TTC7A: variants seen among roughly 807,000 people sequenced by gnomAD.
TTC7A encodes tetratricopeptide repeat protein 7A.
TTC7A carries 110 observed loss-of-function variants against 103.7 expected under a neutral mutation model. That is an observed-to-expected ratio of 1.06 (90% CI 0.91 to 1.24). The LOEUF (loss-of-function observed/expected upper bound fraction) is 1.24, where lower values mean the gene tolerates loss of function less well. Ranked by LOEUF, TTC7A falls within the 50% of genes most tolerant of loss-of-function variation. The pLI, the probability that TTC7A is intolerant of heterozygous loss-of-function variation, is 0.00. For synonymous variants in TTC7A, 521 were observed against 467.9 expected, an observed-to-expected ratio of 1.11 and a Z score of -1.47; for missense variants, 1,340 against 1,116.3, an observed-to-expected ratio of 1.20 and a Z score of -2.86.
At chr2:46,942,539 G>C (rs1383973134) in intron 1 of TTC7A, among the ~76,000 whole-genome samples, 3 of 152,326 alleles carry the variant, frequency 2.0e-5, no homozygotes, top group Admixed American at 2.0e-4. Context: ...GGGACAGATC[G>C]TGATAGTAAT....
chr2:46,966,709 C>T (rs1184973328), intron 3 of TTC7A, among the ~76,000 whole-genome samples: 6 of 146,758 alleles, frequency 4.1e-5, no homozygotes, highest in Non-Finnish European at 7.4e-5. Flanking sequence ...AAGGGCTGGT[C>T]CTGAACTCCT....
chr2:46,944,374 GTTTTTT>G (rs34191565), intron 1 of TTC7A, among the ~76,000 whole-genome samples: 1 of 88,962 alleles, frequency 1.1e-5, no homozygotes, highest in Admixed American at 1.6e-4. Flanking sequence ...GGTATTTTGG[GTTTTTT>G]TTTTTTTTTT....
chr2:47,024,176 C>G (rs940291193), intron 13 of TTC7A, 111 bp from the exon 14 acceptor site: 15 of 929,812 alleles, frequency 1.6e-5, no homozygotes, highest in Non-Finnish European at 2.0e-5. Flanking sequence ...CAGAATCCCC[C>G]AGGGTATTGC....
intron 10 of TTC7A, among the ~76,000 whole-genome samples, chr2:47,010,848 C>A (rs1041911532): frequency 6.6e-6 from 1 of 152,130 alleles, no homozygotes; most frequent in Admixed American, 6.5e-5. Flanking sequence ...TATGGACACA[C>A]GCCTCCACAC....
rs770440060 is a variant in TTC7A at position 46,941,559 on chromosome 2, G to T, written c.18G>T (p.Ala6=). ...GCGAGAAGATGGCTGCGAAGGGCGC[G>T]CACGGCTCCTACCTGAAGGTGGAGA... MAAKG[A]HGSYLKVESE... Residue 6 remains alanine, a synonymous_variant, in exon 1 of 20, where the codon GCG becomes GCT. Transcript: ENST00000319190. The surrounding 1 kb of genome is among the most constrained non-coding windows in gnomAD (Gnocchi z 4.2). The T allele has an allele frequency of 2.8e-5, 43 of 1,555,546 alleles. No homozygotes were observed. Among genetic ancestry groups the T allele is most frequent in the Non-Finnish European group, 3.7e-5 (42 of 1,150,172 alleles).
At chr2:46,974,664 C>A (rs1207725171) in intron 3 of TTC7A, 3 of 489,494 alleles carry the variant, frequency 6.1e-6, no homozygotes, top group Admixed American at 2.3e-5. Context: ...TTTTAAAAAA[C>A]CTCATTCTCT....
At chr2:46,944,475 G>A (rs903852700) in intron 1 of TTC7A, among the ~76,000 whole-genome samples, 1 of 150,230 alleles carries the variant, frequency 6.7e-6, no homozygotes, top group Non-Finnish European at 1.5e-5. Context: ...AAACTCGTGG[G>A]CTCAAGGGAA....
Position 47,012,354 on chromosome 2 carries a change from T to C in TTC7A, c.1392+919T>C, listed in dbSNP as rs117402714. ...CGCATTCTCCCTCCCACATGATGGA[T>C]ATCAGGCCCTTCTCCACCCACATCT... On this transcript the variant is annotated intron_variant, in intron 11 of 19. Transcript: ENST00000319190. Among the ~76,000 whole-genome samples, 15 of 152,342 alleles carry C rather than the reference T, an allele frequency of 9.8e-5. No individual in the cohort carries two copies. The East Asian group carries it at 2.9e-3, about 29-fold the overall frequency.
chr2:46,953,527 T>C (rs1671585825), intron 2 of TTC7A, among the ~76,000 whole-genome samples: 1 of 152,178 alleles, frequency 6.6e-6, no homozygotes, highest in Non-Finnish European at 1.5e-5. Flanking sequence ...TGGCAGCTGA[T>C]GCAGTCTCAG....
intron 15 of TTC7A, among the ~76,000 whole-genome samples, chr2:47,038,838 C>G (rs1025664601): frequency 2.0e-5 from 3 of 151,908 alleles, no homozygotes; most frequent in Non-Finnish European, 4.4e-5. Flanking sequence ...GTGTTCCAGG[C>G]CTTGGTGAGC....
chr2:46,959,277 C>T (rs879844254), intron 3 of TTC7A, among the ~76,000 whole-genome samples: 13 of 152,232 alleles, frequency 8.5e-5, no homozygotes, highest in Non-Finnish European at 1.2e-4. Context: ...GGCAGCCCCT[C>T]GGTCTTGGGC....
intron 2 of TTC7A, among the ~76,000 whole-genome samples, chr2:46,955,323 T>G (rs1243062216): frequency 6.6e-6 from 1 of 152,192 alleles, no homozygotes; most frequent in Non-Finnish European, 1.5e-5. Flanking sequence ...CTGGGATGTG[T>G]CATCTGTGGC....
At chr2:46,928,657 C>G (rs1437277722) in intron 2 of TTC7A, among the ~76,000 whole-genome samples, 1 of 151,820 alleles carries the variant, frequency 6.6e-6, no homozygotes, top group Non-Finnish European at 1.5e-5. Flanking sequence ...GTGGTCCCAG[C>G]TGTTTGGGAG....
chr2:47,066,719 A>G (rs1002434023), intron 19 of TTC7A, among the ~76,000 whole-genome samples: 9 of 151,992 alleles, frequency 5.9e-5, no homozygotes, highest in African/African-American at 2.2e-4. Context: ...TTATTATTAT[A>G]TTTTGTTTTT....
chr2:46,924,703 T>C (rs1669293539), intron 2 of TTC7A, among the ~76,000 whole-genome samples: 2 of 152,192 alleles, frequency 1.3e-5, no homozygotes, highest in African/African-American at 4.8e-5. Context: ...CTCAGCACAC[T>C]GCAGCCTCAA....
chr2:46,936,575 T>A (rs1038079342), upstream of TTC7A, among the ~76,000 whole-genome samples: 2 of 152,164 alleles, frequency 1.3e-5, no homozygotes, highest in South Asian at 2.1e-4. Flanking sequence ...ATTCGCAGAC[T>A]CTCATGGTTC....
chr2:47,002,164 C>T (rs867763644), intron 8 of TTC7A, among the ~76,000 whole-genome samples: 1 of 152,242 alleles, frequency 6.6e-6, no homozygotes, highest in Non-Finnish European at 1.5e-5. Flanking sequence ...GGAGAACAGC[C>T]GGAAGGACAA....
At chr2:47,045,539 G>C (rs936621334) in intron 15 of TTC7A, 1 of 152,256 alleles carries the variant, frequency 6.6e-6, no homozygotes, top group African/African-American at 2.4e-5. Flanking sequence ...TTTTCAGGTC[G>C]AAAGAAATTC....
At chr2:46,966,900 GT>G (rs70940650) in intron 3 of TTC7A, among the ~76,000 whole-genome samples, 7 of 143,868 alleles carry the variant, frequency 4.9e-5, no homozygotes, top group African/African-American at 1.3e-4. Flanking sequence ...TGTGTTTTTT[GT>G]TTTTTTTTTT....
Sources: allele counts gnomAD v4.1 joint callset (sites outside exome capture counted in the v4.1 genomes callset), GRCh38; gene constraint gnomAD v4.1.1; non-coding constraint Gnocchi (gnomAD v3.1); transcripts MANE v1.5; gene names NCBI Gene and HGNC (gene_info 2026-07-23, HGNC 2026-07-21).